FRMPD4: variants seen among roughly 807,000 people sequenced by gnomAD.
FRMPD4 encodes FERM and PDZ domain-containing protein 4.
A neutral mutation model predicts 94.1 loss-of-function variants in FRMPD4; 22 were observed. The observed-to-expected ratio is 0.23, with a 90% CI of 0.17 to 0.33. The LOEUF is 0.33. Among genes scored for constraint, FRMPD4 ranks in the 10% least tolerant of loss-of-function variants. The pLI is 1.00. For missense variants in FRMPD4, 1,111 were observed against 1,339.9 expected (o/e 0.83, Z 2.67); for synonymous variants, 631 against 548.6 (o/e 1.15, Z -2.10).
chrX:12,000,254 T>A (rs1392296581), intron 3 of FRMPD4, among the ~76,000 whole-genome samples: 1 of 111,929 alleles, frequency 8.9e-6, no homozygotes, highest in Non-Finnish European at 1.9e-5. Flanking sequence ...TTGCCCCAAT[T>A]AATTTTGGCA....
intron 1 of FRMPD4, among the ~76,000 whole-genome samples, chrX:12,323,115 A>C (rs1223296171): frequency 9.0e-6 from 1 of 111,621 alleles, no homozygotes; most frequent in Non-Finnish European, 1.9e-5. Flanking sequence ...TTATGGTAGC[A>C]AGGTTGGGGC....
intron 1 of FRMPD4, among the ~76,000 whole-genome samples, chrX:11,825,845 A>C (rs2053440916): frequency 8.9e-6 from 1 of 112,423 alleles, no homozygotes; most frequent in Admixed American, 9.4e-5. Flanking sequence ...AGTTCTTGTG[A>C]GTCTTAAACT....
rs999176937 is a variant in FRMPD4 at position 12,363,756 on chromosome X, T to C, written c.42-134924T>C. Among the ~76,000 whole-genome samples the C allele has an allele frequency of 3.6e-5, 4 of 112,205 alleles. No homozygotes were observed. The East Asian group carries it at 1.1e-3, about 32-fold the overall frequency. Reference sequence around the variant, plus strand: ...TACCTTTGAGTCACCGTTTATTCCATTGTTGTGGCGTGTGTGCATTGTAAA... The same window carrying C: ...TACCTTTGAGTCACCGTTTATTCCACTGTTGTGGCGTGTGTGCATTGTAAA... On this transcript the variant is annotated intron_variant, in intron 1 of 16. Transcript: ENST00000675598.
intron 3 of FRMPD4, among the ~76,000 whole-genome samples, chrX:11,988,437 T>C (rs980569450): frequency 3.3e-4 from 37 of 111,711 alleles, no homozygotes; most frequent in African/African-American, 1.1e-3. Context: ...AAAAATCAAA[T>C]CAAAATGGAT....
At chrX:11,885,118 G>A (rs2053838735) in intron 3 of FRMPD4, among the ~76,000 whole-genome samples, 1 of 112,073 alleles carries the variant, frequency 8.9e-6, no homozygotes, top group Non-Finnish European at 1.9e-5. Flanking sequence ...CCAAGAGGTA[G>A]AAGAAGCCCA....
chrX:12,395,429 A>G (rs973936896), intron 1 of FRMPD4, among the ~76,000 whole-genome samples: 3 of 112,512 alleles, frequency 2.7e-5, no homozygotes, highest in African/African-American at 9.7e-5. Context: ...TTAATGGGCA[A>G]TTTACTTCCA....
intron 4 of FRMPD4, among the ~76,000 whole-genome samples, chrX:12,645,347 CTTTTTTTTTTTT>C (rs138817056): frequency 1.1e-4 from 6 of 55,628 alleles, no homozygotes; most frequent in African/African-American, 5.2e-4. Context: ...CACTCTCACT[CTTTTTTTTTTTT>C]TTTTTTTTTT....
chrX:11,829,317 T>C (rs1180313622), intron 1 of FRMPD4, among the ~76,000 whole-genome samples: 1 of 112,142 alleles, frequency 8.9e-6, no homozygotes, highest in Non-Finnish European at 1.9e-5. Context: ...GATAAACTGA[T>C]TGATTACCTA....
rs140395124 is a variant in FRMPD4, at chrX:12,278,281, T to A, written c.41+139269T>A. On this transcript the variant is annotated intron_variant, in intron 1 of 16. Transcript: ENST00000675598. Reference sequence around the variant, plus strand: ...TTGACAGGAAGTGCCGGGGAATGATTTTTTTCCCCCAGACCCTGGTTGATA... The same window carrying A: ...TTGACAGGAAGTGCCGGGGAATGATATTTTTCCCCCAGACCCTGGTTGATA... 3.9e-3 allele frequency among the ~76,000 whole-genome samples: 433 copies of A among 112,069 alleles called. 4 individuals carry two copies. The highest frequency in any genetic ancestry group is 0.013 in the African/African-American group (416 of 30,830).
intron 3 of FRMPD4, among the ~76,000 whole-genome samples, chrX:11,986,121 G>T (rs2054428009): frequency 1.8e-5 from 2 of 112,541 alleles, no homozygotes; most frequent in South Asian, 7.3e-4. Context: ...CAGGCCTGAT[G>T]CAGTACAGTC....
intron 1 of FRMPD4, among the ~76,000 whole-genome samples, chrX:11,849,766 T>C (rs1251144213): frequency 1.8e-5 from 2 of 108,857 alleles, no homozygotes; most frequent in African/African-American, 3.4e-5. Context: ...ATATCACATA[T>C]AAAAATTAAC....
intron 4 of FRMPD4, among the ~76,000 whole-genome samples, chrX:12,628,025 T>C (rs1232464364): frequency 9.0e-6 from 1 of 111,137 alleles, no homozygotes; most frequent in Non-Finnish European, 1.9e-5. Flanking sequence ...GGTCAGAACA[T>C]GCCCAGAACC....
At chrX:12,452,409 T>TC (rs1363781429) in intron 1 of FRMPD4, among the ~76,000 whole-genome samples, 1 of 111,553 alleles carries the variant, frequency 9.0e-6, no homozygotes, top group African/African-American at 3.3e-5. Flanking sequence ...CATCTTTTTT[T>TC]CCCAACAACT....
intron 1 of FRMPD4, among the ~76,000 whole-genome samples, chrX:12,357,390 A>G (rs1007089080): frequency 5.8e-4 from 65 of 112,179 alleles, no homozygotes; most frequent in African/African-American, 2.0e-3. Context: ...TCAGAACTCT[A>G]TGAGGTAGGT....
intron 3 of FRMPD4, among the ~76,000 whole-genome samples, chrX:11,882,668 T>C (rs752808013): frequency 8.9e-6 from 1 of 112,125 alleles, no homozygotes; most frequent in Admixed American, 9.5e-5. Flanking sequence ...AATTTCATGT[T>C]TAGACTTGAG....
chrX:11,955,614 C>T (rs912351775), intron 3 of FRMPD4, among the ~76,000 whole-genome samples: 4 of 109,700 alleles, frequency 3.6e-5, no homozygotes, highest in Non-Finnish European at 7.6e-5. Flanking sequence ...TGGTGGCAGG[C>T]ACCTGTAGTC....
chrX:12,332,063 A>G (rs1400660930), intron 1 of FRMPD4, among the ~76,000 whole-genome samples: 4 of 72,822 alleles, frequency 5.5e-5, no homozygotes, highest in Admixed American at 2.4e-4. Flanking sequence ...TATATGTAAT[A>G]TATAATTTAT....
chrX:12,527,656 C>T (rs896528222), intron 2 of FRMPD4, among the ~76,000 whole-genome samples: 26 of 110,478 alleles, frequency 2.4e-4, no homozygotes, highest in African/African-American at 8.6e-4. Context: ...TGCATGGCAA[C>T]CAGATGTAGA....
chrX:12,221,493 A>G (rs971623058), intron 1 of FRMPD4, among the ~76,000 whole-genome samples: 1 of 112,662 alleles, frequency 8.9e-6, no homozygotes, highest in African/African-American at 3.2e-5. Flanking sequence ...ATATGAATAA[A>G]GTACTAATGG....
Sources: gnomAD v4.1 joint callset for allele counts (sites outside exome capture counted in the v4.1 genomes callset) on GRCh38, gnomAD v4.1.1 for gene constraint, MANE v1.5 for transcripts, NCBI Gene and HGNC (gene_info 2026-07-23, HGNC 2026-07-21) for gene names.